Variants in GNB4 observed in about 807,000 individuals in gnomAD.
GNB4 encodes the protein G protein subunit beta 4, also known as guanine nucleotide-binding protein subunit beta-4.
GNB4 carries 28 observed loss-of-function variants against 45.2 expected under a neutral mutation model. The ratio of observed to expected loss-of-function variants is 0.62; its 90% CI spans 0.46 to 0.85. GNB4 has a LOEUF of 0.85. Among genes scored for constraint, GNB4 ranks in the 40% least tolerant of loss-of-function variants. The pLI, the probability that GNB4 is intolerant of heterozygous loss-of-function variation, is 0.00. For missense variants in GNB4, 321 were observed against 425.4 expected (o/e 0.75, Z 2.16); for synonymous variants, 132 against 143.7 (o/e 0.92, Z 0.58).
chr3:179,436,977 T>C (rs1326681203), intron 1 of GNB4, among the ~76,000 whole-genome samples: 1 of 152,192 alleles, frequency 6.6e-6, no homozygotes, highest in Non-Finnish European at 1.5e-5. Context: ...GTAGGGTTTA[T>C]TCTCTCATCA....
the GNB4 span, among the ~76,000 whole-genome samples, chr3:179,458,568 G>A: frequency 8.1e-3 from 1,233 of 152,208 alleles, 7 homozygotes; most frequent in Middle Eastern, 0.017. Context: ...CAGGACCCCC[G>A]CGGATACCAA....
intron 2 of GNB4, among the ~76,000 whole-genome samples, chr3:179,424,324 T>A (rs1366501179): frequency 6.6e-6 from 1 of 152,216 alleles, no homozygotes; most frequent in African/African-American, 2.4e-5. Context: ...CAGAAATTCC[T>A]TCTAGTGGGT....
chr3:179,506,070 C>T, the GNB4 span, among the ~76,000 whole-genome samples: 6 of 152,182 alleles, frequency 3.9e-5, no homozygotes, highest in Admixed American at 6.5e-5. Flanking sequence ...CTGCCGGGCG[C>T]GGTGGCTCAC....
At chr3:179,406,904 A>G (rs1213806900) in intron 8 of GNB4, among the ~76,000 whole-genome samples, 3 of 151,930 alleles carry the variant, frequency 2.0e-5, no homozygotes, top group Non-Finnish European at 4.4e-5. Context: ...CATAAGCCAC[A>G]GCGCCTGGCC....
chr3:179,519,861 C>T, the GNB4 span, among the ~76,000 whole-genome samples: 2 of 152,176 alleles, frequency 1.3e-5, no homozygotes, highest in Non-Finnish European at 1.5e-5. Context: ...CATCCCACAG[C>T]ATGTTTTAAA....
chr3:179,464,077 T>C, the GNB4 span, among the ~76,000 whole-genome samples: 1 of 152,174 alleles, frequency 6.6e-6, no homozygotes, highest in Non-Finnish European at 1.5e-5. Flanking sequence ...GTATATCAAA[T>C]ACATTGTATA....
chr3:179,416,088 T>A (rs1359686226), intron 5 of GNB4, among the ~76,000 whole-genome samples: 1 of 151,974 alleles, frequency 6.6e-6, no homozygotes, highest in African/African-American at 2.4e-5. Flanking sequence ...TACTGTATCT[T>A]CTAAAAAGTC....
the GNB4 span, among the ~76,000 whole-genome samples, chr3:179,496,469 A>T: frequency 1.1e-4 from 17 of 152,164 alleles, no homozygotes; most frequent in Non-Finnish European, 2.5e-4. Flanking sequence ...AACAAACAAG[A>T]CGGCAATAGT....
chr3:179,413,349 A>G, intron 8 of GNB4, 63 bp downstream of exon 8: 1 of 1,277,190 alleles, frequency 7.8e-7, no homozygotes, highest in Non-Finnish European at 1.1e-6. Flanking sequence ...TGTTAAAATC[A>G]TGCCATAGAG....
chr3:179,450,784 C>T (rs1432724464), intron 1 of GNB4, among the ~76,000 whole-genome samples: 1 of 152,168 alleles, frequency 6.6e-6, no homozygotes, highest in Non-Finnish European at 1.5e-5. Context: ...ACTGAACTCA[C>T]AAGTATTCAA....
Position 179,397,223 on chromosome 3 carries a change from TA to T in GNB4, c.*3989del, listed in dbSNP as rs1201940689. On this transcript the variant is annotated 3_prime_UTR_variant, in exon 10 of 10. Transcript: ENST00000232564. ...ACAAGTATTCAATTGTGTTACAACT[TA>T]GATCTGAGACATTTACATCAAAGCA... 5.9e-5 allele frequency: 9 copies of T among 152,344 alleles called. No individual in the cohort carries two copies. Among genetic ancestry groups the T allele is most frequent in the African/African-American group, 2.2e-4 (9 of 41,582 alleles). The allele number at this position is 152,344 out of a possible 1,614,324, so 9.4% of individuals were successfully genotyped here. A position where few individuals can be genotyped will look rare whatever the true frequency, so the allele number is the denominator to read the frequency against.
the GNB4 span, among the ~76,000 whole-genome samples, chr3:179,481,098 G>C: frequency 6.6e-6 from 1 of 151,968 alleles, no homozygotes; most frequent in Non-Finnish European, 1.5e-5. Flanking sequence ...TGATCCGCCC[G>C]CCTCGGCCTC....
At position 179,409,515 on chromosome 3, in the gene GNB4, A is replaced by G. The variant is rs544056283; in HGVS notation, c.699+3897T>C. ...CAACAAGGGAGAAACTCCATCTCAA[A>G]AACAAAAAAAAAAAGGCCAGGGGCT... is the stretch of plus-strand genomic sequence containing the variant. On this transcript the variant is annotated intron_variant, in intron 8 of 9. Transcript: ENST00000232564. Among the ~76,000 whole-genome samples, 27 of 143,090 alleles carry G rather than the reference A, an allele frequency of 1.9e-4. No homozygotes were observed. In the South Asian group the frequency reaches 6.1e-3, roughly 33 times the overall value. The allele number at this position is 143,090 out of a possible 152,430, so 93.9% of individuals were successfully genotyped here.
At chr3:179,475,508 C>T in the GNB4 span, among the ~76,000 whole-genome samples, 2 of 151,878 alleles carry the variant, frequency 1.3e-5, no homozygotes, top group Non-Finnish European at 2.9e-5. Context: ...GAGTCTCAGT[C>T]TCTCACCAGG....
the GNB4 span, among the ~76,000 whole-genome samples, chr3:179,509,200 C>CACACACACAT: frequency 6.7e-6 from 1 of 148,798 alleles, no homozygotes; most frequent in African/African-American, 2.5e-5. Context: ...CACACACACA[C>CACACACACAT]ACATATACGG....
the GNB4 span, among the ~76,000 whole-genome samples, chr3:179,523,886 A>G: frequency 6.6e-6 from 1 of 152,172 alleles, no homozygotes; most frequent in African/African-American, 2.4e-5. Flanking sequence ...CAGATAATTT[A>G]GTTAAAGTGT....
At chr3:179,509,201 A>G in the GNB4 span, among the ~76,000 whole-genome samples, 1 of 151,224 alleles carries the variant, frequency 6.6e-6, no homozygotes, top group Non-Finnish European at 1.5e-5. Flanking sequence ...ACACACACAC[A>G]CATATACGGC....
chr3:179,497,728 G>A, the GNB4 span, among the ~76,000 whole-genome samples: 7 of 151,724 alleles, frequency 4.6e-5, no homozygotes, highest in Non-Finnish European at 8.8e-5. Context: ...TGAAAAAAAC[G>A]AGCAAAGCAC....
the GNB4 span, among the ~76,000 whole-genome samples, chr3:179,527,796 G>A: frequency 3.8e-4 from 27 of 70,278 alleles, no homozygotes; most frequent in East Asian, 1.4e-3. Context: ...ATGTATGTGT[G>A]TGTGTGTGTG....
Sources: allele counts gnomAD v4.1 joint callset (sites outside exome capture counted in the v4.1 genomes callset), GRCh38; gene constraint gnomAD v4.1.1; transcripts MANE v1.5; gene names NCBI Gene and HGNC (gene_info 2026-07-23, HGNC 2026-07-21).